Variants in DGKH observed in about 807,000 individuals in gnomAD.
The protein encoded by DGKH is diacylglycerol kinase eta.
DGKH carries 90 observed loss-of-function variants against 159.3 expected under a neutral mutation model. The observed-to-expected ratio is 0.57, with a 90% CI of 0.48 to 0.67. DGKH has a LOEUF of 0.67. DGKH is among the 30% of genes least tolerant of loss of function. DGKH has a pLI of 0.00. For synonymous variants in DGKH, 536 were observed against 553.8 expected (o/e 0.97, Z 0.45); for missense variants, 1,181 against 1,506.1 (o/e 0.78, Z 3.57).
At chr13:42,209,132 T>C (rs576840341) in intron 22 of DGKH, 60 bp downstream of exon 22, 2 of 1,494,998 alleles carry the variant, frequency 1.3e-6, no homozygotes, top group South Asian at 2.4e-5. Context: ...TGAAGGAATC[T>C]ATTCTAAACA....
At position 42,232,583 on chromosome 13, in the gene DGKH, C is replaced by T. The variant is rs990474687; in HGVS notation, c.*3395C>T. 1 of 152,126 alleles carries T rather than the reference C, an allele frequency of 6.6e-6. No homozygotes were observed. The highest frequency in any genetic ancestry group is 1.9e-4 in the East Asian group (1 of 5,198). The allele number at this position is 152,126 out of a possible 1,614,324, so 9.4% of individuals were successfully genotyped here. A position where few individuals can be genotyped will look rare whatever the true frequency, so the allele number is the denominator to read the frequency against. The stretch of plus-strand genomic sequence containing the variant: ...CATCAATTAACCCACTACAAAATGA[C>T]CCCTTTCATTTCTCGCTTAAGCATA... On this transcript the variant is annotated 3_prime_UTR_variant, in exon 30 of 30. Transcript: ENST00000337343.
At chr13:42,049,401 C>T (rs1881092876) in intron 1 of DGKH, among the ~76,000 whole-genome samples, 1 of 152,218 alleles carries the variant, frequency 6.6e-6, no homozygotes, top group African/African-American at 2.4e-5. Context: ...AATTTTTCTT[C>T]CCTGCCGTTC....
Position 42,232,493 on chromosome 13 carries a change from A to G in DGKH, c.*3305A>G, listed in dbSNP as rs1191895725. On this transcript the variant is annotated 3_prime_UTR_variant, in exon 30 of 30. Coordinates refer to ENST00000337343, the MANE Select transcript of DGKH (RefSeq NM_178009.5). ...TTTCTTTCCTACATCCTGGCTCTTC[A>G]TTTTCCCAATGCCCAATATAATCAT... 6.6e-6 allele frequency: 1 copy of G among 151,916 alleles called. No individual in the cohort carries two copies. The highest frequency in any genetic ancestry group is 1.5e-5 in the Non-Finnish European group (1 of 67,990). The allele number at this position is 151,916 out of a possible 1,614,324, so 9.4% of individuals were successfully genotyped here. A position where few individuals can be genotyped will look rare whatever the true frequency, so the allele number is the denominator to read the frequency against.
chr13:42,167,345 T>A (rs1434274593), intron 9 of DGKH, among the ~76,000 whole-genome samples: 1 of 152,206 alleles, frequency 6.6e-6, no homozygotes, highest in African/African-American at 2.4e-5. Flanking sequence ...GCAACTCAGC[T>A]TTTCTCTTGG....
intron 1 of DGKH, among the ~76,000 whole-genome samples, chr13:42,074,924 G>T (rs572362062): frequency 6.6e-6 from 1 of 152,298 alleles, no homozygotes; most frequent in Non-Finnish European, 1.5e-5. Flanking sequence ...TAAGGGTTAC[G>T]TGGGGCTTTG....
intron 1 of DGKH, among the ~76,000 whole-genome samples, chr13:42,061,063 G>A (rs1882124977): frequency 6.8e-6 from 1 of 147,770 alleles, no homozygotes; most frequent in Non-Finnish European, 1.5e-5. Context: ...CATAGAGGAA[G>A]GGGTCTCCGA....
chr13:42,143,945 G>T (rs922338979), intron 3 of DGKH, among the ~76,000 whole-genome samples: 1 of 151,952 alleles, frequency 6.6e-6, no homozygotes, highest in Non-Finnish European at 1.5e-5. Context: ...ACAATTAAAA[G>T]AACTAGAGAA....
chr13:42,107,019 G>A (rs1346091514), intron 1 of DGKH, among the ~76,000 whole-genome samples: 8 of 152,202 alleles, frequency 5.3e-5, no homozygotes, highest in Non-Finnish European at 1.0e-4. Context: ...ACTCCAGCCT[G>A]GGCGACAGAG....
At position 42,225,396 on chromosome 13, in the gene DGKH, A is replaced by G. The variant is rs1958098828; in HGVS notation, c.3574-3703A>G. 7 of 1,388,714 alleles carry G rather than the reference A, an allele frequency of 5.0e-6. No individual in the cohort carries two copies. The East Asian group carries it at 1.2e-4, about 25-fold the overall frequency. The allele number at this position is 1,388,714 out of a possible 1,614,324, so 86.0% of individuals were successfully genotyped here. On this transcript the variant is annotated intron_variant, in intron 29 of 29. Transcript: ENST00000337343. ...TTTCTATTTGGAAAGTTGTGTATGT[A>G]TGGCTGGAAGGATAACTGAATATCT...
intron 1 of DGKH, among the ~76,000 whole-genome samples, chr13:42,104,543 G>GGACCAGGT (rs1316598438): frequency 3.3e-5 from 5 of 152,180 alleles, no homozygotes; most frequent in African/African-American, 9.7e-5. Context: ...GAAAGAAATA[G>GGACCAGGT]GACCAGGTGT....
chr13:42,070,382 C>T, intron 1 of DGKH: 2 of 1,423,682 alleles, frequency 1.4e-6, no homozygotes, highest in South Asian at 2.3e-5. Flanking sequence ...TGTTCAAGTT[C>T]ATGTGCACCT....
In DGKH at chr13:42,123,517, C is replaced by T. The variant is rs115439249; in HGVS notation, c.193-3946C>T. On this transcript the variant is annotated intron_variant, in intron 1 of 29. Transcript: ENST00000337343. ...ACTTCATCAAATTCAGGATCCTCTG[C>T]TCTTCAAAAGATGCCATTAATACAA... is the stretch of plus-strand genomic sequence containing the variant. 2.7e-3 allele frequency among the ~76,000 whole-genome samples: 390 copies of T among 143,714 alleles called. 3 individuals carry two copies. Among genetic ancestry groups the T allele is most frequent in the African/African-American group, 9.8e-3 (378 of 38,404 alleles). The allele number at this position is 143,714 out of a possible 152,430, so 94.3% of individuals were successfully genotyped here. A position where few individuals can be genotyped will look rare whatever the true frequency, so the allele number is the denominator to read the frequency against.
chr13:42,076,143 T>A (rs1000016288), intron 1 of DGKH, among the ~76,000 whole-genome samples: 7 of 152,202 alleles, frequency 4.6e-5, no homozygotes, highest in Admixed American at 1.3e-4. Flanking sequence ...TATGATTTTT[T>A]AAAAAAACCG....
chr13:42,219,790 G>A lies in DGKH; in HGVS notation c.3438G>A (p.Gln1146=), dbSNP rs1421653030. Residue 1146 remains glutamine (Q), a synonymous_variant, in exon 28 of 30, where the codon CAG becomes CAA. Transcript: ENST00000337343. ...EKVQKQKTSS[Q]PVQKWGTEEV... ...TTCAGAAGCAGAAGACAAGTTCACA[G>A]CCTGGTAGGTGGTCCATATGGAAGG... The A allele has an allele frequency of 6.2e-6, 10 of 1,612,970 alleles. No homozygotes were observed. In the East Asian group the frequency reaches 1.8e-4, roughly 29 times the overall value.
chr13:42,125,292 A>C (rs1392557371), intron 1 of DGKH, among the ~76,000 whole-genome samples: 4 of 152,194 alleles, frequency 2.6e-5, no homozygotes, highest in Admixed American at 6.5e-5. Flanking sequence ...ATGCCTGGCA[A>C]ACACTCCCTG....
intron 3 of DGKH, among the ~76,000 whole-genome samples, chr13:42,149,913 T>A (rs1417775225): frequency 6.6e-6 from 1 of 152,182 alleles, no homozygotes; most frequent in African/African-American, 2.4e-5. Context: ...CTCACAAACT[T>A]GGAGACACTA....
At chr13:42,181,231 T>G (rs952784628) in intron 13 of DGKH, among the ~76,000 whole-genome samples, 3 of 137,806 alleles carry the variant, frequency 2.2e-5, no homozygotes, top group African/African-American at 7.9e-5. Flanking sequence ...GAGCGGAGAT[T>G]GCGCCACTGC....
intron 13 of DGKH, among the ~76,000 whole-genome samples, chr13:42,185,170 A>G (rs1333399883): frequency 6.6e-6 from 1 of 152,146 alleles, no homozygotes; most frequent in Admixed American, 6.6e-5. Flanking sequence ...TTCTGTTTTA[A>G]TAACTCTACA....
chr13:42,146,150 CT>C (rs57139526), intron 3 of DGKH, among the ~76,000 whole-genome samples: 19,892 of 109,312 alleles, frequency 0.18, 1,177 homozygotes, highest in East Asian at 0.34. Flanking sequence ...TCTGGGGAGG[CT>C]TTTTTTTTTT....
Sources: gnomAD v4.1 joint callset for allele counts (sites outside exome capture counted in the v4.1 genomes callset) on GRCh38, gnomAD v4.1.1 for gene constraint, MANE v1.5 for transcripts, NCBI Gene and HGNC (gene_info 2026-07-23, HGNC 2026-07-21) for gene names.